The following THBS4 variants were observed in gnomAD, a reference collection of about 807,000 sequenced individuals.
THBS4 encodes the protein thrombospondin 4, also known as thrombospondin-4.
In THBS4, 90 loss-of-function variants were observed where a neutral mutation model predicts 115.7. That is an observed-to-expected ratio of 0.78 (90% CI 0.66 to 0.93). The LOEUF (loss-of-function observed/expected upper bound fraction) is 0.93. THBS4 is among the 40% of genes least tolerant of loss of function. THBS4 has a pLI of 0.00. For missense variants in THBS4, 1,087 were observed against 1,232.7 expected, an observed-to-expected ratio of 0.88 and a Z score of 1.77; for synonymous variants, 460 against 479.3, an observed-to-expected ratio of 0.96 and a Z score of 0.53.
intron 2 of THBS4, among the ~76,000 whole-genome samples, chr5:80,000,631 C>T (rs575085173): frequency 2.0e-5 from 3 of 152,226 alleles, no homozygotes; most frequent in African/African-American, 7.2e-5. Context: ...GCCTTTTTCT[C>T]CATTTGTTGG....
intron 9 of THBS4, 131 bp downstream of exon 9, chr5:80,065,608 C>CAA (rs779344048): frequency 1.1e-4 from 78 of 713,210 alleles, no homozygotes; most frequent in Non-Finnish European, 1.6e-4. Context: ...AGAATAAAGG[C>CAA]AAAAGTTTGT....
At chr5:80,020,536 G>A (rs1832350299) in intron 2 of THBS4, among the ~76,000 whole-genome samples, 1 of 152,166 alleles carries the variant, frequency 6.6e-6, no homozygotes, top group African/African-American at 2.4e-5. Flanking sequence ...ATTAGAGCCA[G>A]AACAGGATTG....
chr5:80,080,408 G>A (rs10514175), intron 20 of THBS4, among the ~76,000 whole-genome samples: 33,848 of 151,510 alleles, frequency 0.22, 4,798 homozygotes, highest in Non-Finnish European at 0.33. Context: ...CATGCCAATC[G>A]GTATGAGGTA....
At chr5:79,998,828 C>A (rs1202564123) in intron 2 of THBS4, among the ~76,000 whole-genome samples, 2 of 152,222 alleles carry the variant, frequency 1.3e-5, no homozygotes, top group Non-Finnish European at 2.9e-5. Flanking sequence ...TGTGGACCAT[C>A]TGCCTTCATG....
At position 80,078,239 on chromosome 5, in the gene THBS4, A is replaced by G. The variant is rs527290722; in HGVS notation, c.2265+12A>G. On this transcript the variant is annotated intron_variant, in intron 17 of 21. Transcript: ENST00000350881. Reference sequence around the variant, plus strand: ...TGGTCCTGAACCAGGTGAGTGTCACATGGGCGGCAATGGCTCAGCCTTGCC... The same window carrying G: ...TGGTCCTGAACCAGGTGAGTGTCACGTGGGCGGCAATGGCTCAGCCTTGCC... 5.8e-6 allele frequency: 9 copies of G among 1,558,898 alleles called. No individual in the cohort carries two copies. The highest frequency in any genetic ancestry group is 1.9e-4 in the Middle Eastern group (1 of 5,390).
rs1201885633 is a variant in THBS4, at chr5:80,077,178, G to A, written c.2086+130G>A. ...CCCATCAGCTGCTTCTCTACACCCA[G>A]CTTCTCTGCATAGCTGCAGCTTGTG... On this transcript the variant is annotated intron_variant, in intron 16 of 21. Coordinates refer to ENST00000350881, the MANE Select transcript of THBS4 (RefSeq NM_003248.6). 3.3e-5 allele frequency: 28 copies of A among 854,486 alleles called. No homozygotes were observed. The East Asian group carries it at 7.3e-4, about 22-fold the overall frequency. The allele number at this position is 854,486 out of a possible 1,614,324, so 52.9% of individuals were successfully genotyped here.
intron 2 of THBS4, among the ~76,000 whole-genome samples, chr5:80,008,594 G>A (rs1832061714): frequency 1.3e-5 from 2 of 151,960 alleles, no homozygotes; most frequent in Admixed American, 6.5e-5. Flanking sequence ...ACATATGATA[G>A]CCAATTAATT....
intron 1 of THBS4, among the ~76,000 whole-genome samples, chr5:79,992,524 A>G (rs531713916): frequency 1.3e-5 from 2 of 152,384 alleles, no homozygotes; most frequent in East Asian, 3.8e-4. Flanking sequence ...GTTCTAAGAA[A>G]TGAAAAAGAG....
intron 8 of THBS4, among the ~76,000 whole-genome samples, chr5:80,063,578 T>G (rs1167263796): frequency 6.6e-6 from 1 of 152,234 alleles, no homozygotes; most frequent in East Asian, 1.9e-4. Flanking sequence ...TTGTTGCCAT[T>G]GCTTTAGGTG....
Position 80,070,680 on chromosome 5 carries a change from AT to A in THBS4, c.1491del (p.Asp497GlufsTer21). Reference sequence around the variant, plus strand: ...TATGTGCCAAATTCTGGCCAAGAAGATGCAGACAGAGATGGCATTGGCGACG... The same window carrying A: ...TATGTGCCAAATTCTGGCCAAGAAGAGCAGACAGAGATGGCATTGGCGACG... The part of the protein sequence containing the change: ...CKYVPNSGQE[D>X]ADRDGIGDAC... On this transcript the variant is annotated frameshift_variant, in exon 12 of 22. Transcript: ENST00000350881. LOFTEE classifies it high-confidence loss of function. 6.2e-7 allele frequency: 1 copy of A among 1,614,220 alleles called. No individual in the cohort carries two copies. The highest frequency in any genetic ancestry group is 1.1e-5 in the South Asian group (1 of 91,088).
intron 1 of THBS4, among the ~76,000 whole-genome samples, chr5:79,997,386 G>T (rs967966502): frequency 6.6e-6 from 1 of 152,062 alleles, no homozygotes; most frequent in Admixed American, 6.6e-5. Context: ...TAGTATGCGT[G>T]TATGTGTGTG....
chr5:80,012,635 C>T (rs1580909792), intron 2 of THBS4, among the ~76,000 whole-genome samples: 1 of 152,174 alleles, frequency 6.6e-6, no homozygotes. Context: ...CTCACAGGCC[C>T]ACTCCAAGGC....
At chr5:80,051,127 G>A (rs1206384452) in intron 2 of THBS4, among the ~76,000 whole-genome samples, 2 of 152,216 alleles carry the variant, frequency 1.3e-5, no homozygotes, top group African/African-American at 2.4e-5. Flanking sequence ...GGGAAAGGGG[G>A]CTGGCAAGAG....
chr5:80,040,616 T>C (rs1832868369), intron 2 of THBS4, among the ~76,000 whole-genome samples: 1 of 152,240 alleles, frequency 6.6e-6, no homozygotes, highest in East Asian at 1.9e-4. Context: ...CTCAGGCTGC[T>C]ATAACAAAAT....
chr5:80,007,471 A>G (rs910057460), intron 2 of THBS4, among the ~76,000 whole-genome samples: 1 of 152,170 alleles, frequency 6.6e-6, no homozygotes, highest in East Asian at 1.9e-4. Flanking sequence ...CGTCTGCCCC[A>G]TGAAGCTAGG....
chr5:80,074,155 C>T (rs147860416), intron 15 of THBS4: 2 of 152,336 alleles, frequency 1.3e-5, no homozygotes, highest in Admixed American at 1.3e-4. Context: ...ATTCTTTCAG[C>T]TCAGGAAAAC....
chr5:80,057,825 A>G (rs180955817), intron 3 of THBS4, among the ~76,000 whole-genome samples: 12 of 152,350 alleles, frequency 7.9e-5, no homozygotes, highest in African/African-American at 2.2e-4. Flanking sequence ...CAAGACAACC[A>G]AAAAATAATA....
At chr5:80,016,615 A>G (rs1170275259) in intron 2 of THBS4, among the ~76,000 whole-genome samples, 1 of 152,244 alleles carries the variant, frequency 6.6e-6, no homozygotes, top group Non-Finnish European at 1.5e-5. Flanking sequence ...ATGATGAACA[A>G]ATAATATACA....
chr5:80,013,119 T>A (rs1832160898), intron 2 of THBS4, among the ~76,000 whole-genome samples: 1 of 151,996 alleles, frequency 6.6e-6, no homozygotes, highest in Non-Finnish European at 1.5e-5. Flanking sequence ...ATTTCTTTGT[T>A]TTGTTTTTTG....
Sources: gnomAD v4.1 joint callset for allele counts (sites outside exome capture counted in the v4.1 genomes callset) on GRCh38, gnomAD v4.1.1 for gene constraint, MANE v1.5 for transcripts, NCBI Gene and HGNC (gene_info 2026-07-23, HGNC 2026-07-21) for gene names.